Variants in UNC13C observed in about 807,000 individuals in gnomAD.
The protein encoded by UNC13C is protein unc-13 homolog C.
In UNC13C, 174 loss-of-function variants were observed where a neutral mutation model predicts 245.4. That is an observed-to-expected ratio of 0.71 (90% confidence interval 0.63 to 0.80). The LOEUF (loss-of-function observed/expected upper bound fraction) is 0.80, where lower values mean the gene tolerates loss of function less well. UNC13C is among the 30% of genes least tolerant of loss of function. UNC13C has a pLI of 0.00. For synonymous variants in UNC13C, 992 were observed against 895.1 expected (o/e 1.11, Z -1.93); for missense variants, 2,829 against 2,602.9 (o/e 1.09, Z -1.89).
At chr15:54,473,831 G>T (rs1038684956) in intron 19 of UNC13C, among the ~76,000 whole-genome samples, 3 of 151,538 alleles carry the variant, frequency 2.0e-5, no homozygotes, top group South Asian at 2.1e-4. Flanking sequence ...TATATCACAC[G>T]AATAATATAC....
the UNC13C span, among the ~76,000 whole-genome samples, chr15:53,927,324 G>T: frequency 6.6e-6 from 1 of 152,206 alleles, no homozygotes; most frequent in Non-Finnish European, 1.5e-5. Flanking sequence ...GAATGGACTG[G>T]AGAGGAGGAA....
At chr15:54,051,107 A>G (rs1274586976) in intron 2 of UNC13C, among the ~76,000 whole-genome samples, 1 of 152,120 alleles carries the variant, frequency 6.6e-6, no homozygotes, top group Non-Finnish European at 1.5e-5. Context: ...TTTTTGCCTT[A>G]TAGAAAATTC....
chr15:54,556,918 C>T (rs188799853), intron 29 of UNC13C, among the ~76,000 whole-genome samples: 2 of 152,082 alleles, frequency 1.3e-5, no homozygotes, highest in Admixed American at 1.3e-4. Flanking sequence ...ACAGATCTGG[C>T]TTCTGTCTCT....
At chr15:54,202,735 G>A (rs553441831) in intron 4 of UNC13C, among the ~76,000 whole-genome samples, 1 of 151,832 alleles carries the variant, frequency 6.6e-6, no homozygotes, top group Non-Finnish European at 1.5e-5. Context: ...CATTGGAAAA[G>A]CCCTTCTAGA....
Position 54,427,361 on chromosome 15 carries a change from C to T in UNC13C, c.4933+12294C>T, listed in dbSNP as rs540024900. The stretch of plus-strand genomic sequence containing the variant: ...GTTTCTTCCTCATTTTCTCTTGCTT[C>T]CACCATGTAAGAAGTGCCTTTCTCT... On this transcript the variant is annotated intron_variant, in intron 19 of 32. Transcript: ENST00000260323. Among the ~76,000 whole-genome samples, 24 of 151,766 alleles carry T rather than the reference C, an allele frequency of 1.6e-4. No individual in the cohort carries two copies. The East Asian group carries it at 4.7e-3, about 30-fold the overall frequency.
At chr15:54,592,009 G>A (rs1314753683) in intron 30 of UNC13C, among the ~76,000 whole-genome samples, 1 of 151,994 alleles carries the variant, frequency 6.6e-6, no homozygotes, top group Non-Finnish European at 1.5e-5. Flanking sequence ...TATTGTCATT[G>A]AGTTTGATGA....
intron 1 of UNC13C, among the ~76,000 whole-genome samples, chr15:54,008,185 C>G (rs1176004967): frequency 6.6e-6 from 1 of 152,124 alleles, no homozygotes; most frequent in African/African-American, 2.4e-5. Context: ...AACATATCTG[C>G]AAAACATATT....
chr15:54,141,430 G>A (rs2032012746), intron 2 of UNC13C, among the ~76,000 whole-genome samples: 1 of 152,002 alleles, frequency 6.6e-6, no homozygotes, highest in African/African-American at 2.4e-5. Flanking sequence ...TGATGGAAAT[G>A]CCCTACTATT....
chr15:54,521,111 C>T (rs1895197983), intron 24 of UNC13C, among the ~76,000 whole-genome samples: 1 of 152,120 alleles, frequency 6.6e-6, no homozygotes, highest in African/African-American at 2.4e-5. Context: ...AGTTAAACAG[C>T]ATTTTTCTTG....
chr15:54,445,796 A>T (rs1434290303), intron 19 of UNC13C, among the ~76,000 whole-genome samples: 1 of 152,126 alleles, frequency 6.6e-6, no homozygotes, highest in African/African-American at 2.4e-5. Context: ...CTTTAGTTTA[A>T]TTGGATCCCA....
chr15:54,236,752 A>G (rs2035711064), intron 6 of UNC13C, among the ~76,000 whole-genome samples: 1 of 152,182 alleles, frequency 6.6e-6, no homozygotes, highest in African/African-American at 2.4e-5. Flanking sequence ...GTGGAGAGTG[A>G]CATTCTTACT....
At chr15:53,934,025 T>G in the UNC13C span, among the ~76,000 whole-genome samples, 19 of 152,264 alleles carry the variant, frequency 1.2e-4, 1 homozygote, top group Middle Eastern at 6.8e-3. Flanking sequence ...TGGCTTCTGG[T>G]GAGGCCTCAG....
the UNC13C span, among the ~76,000 whole-genome samples, chr15:53,842,378 G>T: frequency 6.6e-6 from 1 of 152,034 alleles, no homozygotes; most frequent in Admixed American, 6.6e-5. Flanking sequence ...TTTACCTTTG[G>T]GGAAATTATC....
At chr15:54,134,920 T>G (rs1243090150) in intron 2 of UNC13C, among the ~76,000 whole-genome samples, 1 of 152,204 alleles carries the variant, frequency 6.6e-6, no homozygotes, top group Non-Finnish European at 1.5e-5. Context: ...GCTGTACCAA[T>G]TTATGTTTCT....
In UNC13C at chr15:54,317,156, T is replaced by C. The variant is rs538866324; in HGVS notation, c.4269-4783T>C. 3.9e-5 allele frequency among the ~76,000 whole-genome samples: 6 copies of C among 152,126 alleles called. No individual in the cohort carries two copies. The East Asian group carries it at 1.2e-3, about 30-fold the overall frequency. The stretch of plus-strand genomic sequence containing the variant: ...TAGATGAATGTATTATAATTACTAT[T>C]TGACTATACATTGAAGTTATTTTTA... On this transcript the variant is annotated intron_variant, in intron 13 of 32. Transcript: ENST00000260323.
chr15:54,446,139 T>C (rs1890799638), intron 19 of UNC13C, among the ~76,000 whole-genome samples: 1 of 152,210 alleles, frequency 6.6e-6, no homozygotes, highest in African/African-American at 2.4e-5. Flanking sequence ...TCTGTTCTGT[T>C]CCATTGATCT....
chr15:54,017,620 C>T (rs1305983255), intron 2 of UNC13C, among the ~76,000 whole-genome samples: 1 of 152,034 alleles, frequency 6.6e-6, no homozygotes, highest in South Asian at 2.1e-4. Flanking sequence ...CAAGATGATA[C>T]ATTTCAGAAA....
intron 10 of UNC13C, among the ~76,000 whole-genome samples, chr15:54,293,246 T>C (rs1053154372): frequency 2.6e-5 from 4 of 151,854 alleles, no homozygotes; most frequent in Admixed American, 2.6e-4. Context: ...GAAGAGTGTA[T>C]ACAAAAACCA....
the UNC13C span, among the ~76,000 whole-genome samples, chr15:53,908,515 G>T: frequency 8.1e-4 from 118 of 145,544 alleles, 4 homozygotes; most frequent in African/African-American, 2.9e-3. Context: ...GAGGTGGACA[G>T]ATTACTTAAG....
Sources: gnomAD v4.1 joint callset for allele counts (sites outside exome capture counted in the v4.1 genomes callset) on GRCh38, gnomAD v4.1.1 for gene constraint, MANE v1.5 for transcripts, NCBI Gene and HGNC (gene_info 2026-07-23, HGNC 2026-07-21) for gene names.